CLDN16: variants seen among roughly 807,000 people sequenced by gnomAD.
The protein encoded by CLDN16 is claudin-16.
In CLDN16, 13 loss-of-function variants were observed where a neutral mutation model predicts 24.6. That is an observed-to-expected ratio of 0.53 (90% CI 0.34 to 0.84). The LOEUF (loss-of-function observed/expected upper bound fraction) is 0.84, where lower values mean the gene tolerates loss of function less well. CLDN16 is among the 40% of genes least tolerant of loss of function. The pLI is 0.01. For synonymous variants in CLDN16, 116 were observed against 106.7 expected (o/e 1.09, Z -0.54); for missense variants, 298 against 292.7 (o/e 1.02, Z -0.13).
chr3:190,297,584 T>A, the CLDN16 span, among the ~76,000 whole-genome samples: 1 of 137,756 alleles, frequency 7.3e-6, no homozygotes, highest in Non-Finnish European at 1.6e-5. Flanking sequence ...TAATATATAA[T>A]ATATATCTAT....
chr3:190,402,384 T>C lies in CLDN16; in HGVS notation c.162T>C (p.Ala54=), dbSNP rs780312463. 5.6e-6 allele frequency: 9 copies of C among 1,613,922 alleles called. No individual in the cohort carries two copies. Among genetic ancestry groups the C allele is most frequent in the Non-Finnish European group, 7.6e-6 (9 of 1,180,008 alleles). The part of the protein sequence containing the change: ...RGLWWECVTN[A]FDGIRTCDEY... ...TCTGGTGGGAATGCGTCACAAATGC[T>C]TTTGATGGGATTCGCACCTGTGATG... Residue 54 remains alanine, a synonymous_variant, in exon 2 of 5, where the codon GCT becomes GCC. Transcript: ENST00000264734.
chr3:190,408,170 C>G, intron 3 of CLDN16, 144 bp from the exon 4 acceptor site: 1 of 796,168 alleles, frequency 1.3e-6, no homozygotes, highest in South Asian at 1.4e-5. Context: ...GAAGAAGTGT[C>G]CGAAGTTCGG....
chr3:190,406,025 C>T (rs1719088376), intron 3 of CLDN16, among the ~76,000 whole-genome samples: 1 of 152,170 alleles, frequency 6.6e-6, no homozygotes, highest in Non-Finnish European at 1.5e-5. Context: ...GAGTTTGGAA[C>T]TAGAAACACT....
intron 1 of CLDN16, 147 bp from the exon 2 acceptor site, chr3:190,402,190 G>C: frequency 1.4e-6 from 1 of 705,314 alleles, no homozygotes; most frequent in Non-Finnish European, 2.6e-6. Flanking sequence ...ATTCTAATAC[G>C]CATTGTTTGT....
At chr3:190,338,159 T>G (rs79290582) in intron 1 of CLDN16, among the ~76,000 whole-genome samples, 2 of 151,980 alleles carry the variant, frequency 1.3e-5, no homozygotes, top group African/African-American at 4.8e-5. Context: ...GACTAGGAGA[T>G]GTTGTATTGC....
intron 1 of CLDN16, among the ~76,000 whole-genome samples, chr3:190,357,688 A>C (rs1217544344): frequency 6.6e-6 from 1 of 151,794 alleles, no homozygotes; most frequent in Non-Finnish European, 1.5e-5. Flanking sequence ...TTCCTCTTTC[A>C]CAGGTTGGTG....
chr3:190,296,360 T>C, the CLDN16 span, among the ~76,000 whole-genome samples: 1 of 152,004 alleles, frequency 6.6e-6, no homozygotes, highest in African/African-American at 2.4e-5. Context: ...TAAAGGGTGG[T>C]CAGAGAGGTC....
intron 2 of CLDN16, among the ~76,000 whole-genome samples, chr3:190,371,956 T>A (rs1718152297): frequency 6.6e-6 from 1 of 151,856 alleles, no homozygotes; most frequent in Non-Finnish European, 1.5e-5. Flanking sequence ...CCACCATAAG[T>A]TTTTGCGTCT....
upstream of CLDN16, among the ~76,000 whole-genome samples, chr3:190,385,855 A>T (rs1359471893): frequency 1.3e-5 from 2 of 152,148 alleles, no homozygotes; most frequent in Non-Finnish European, 2.9e-5. Flanking sequence ...AAGTATGGCC[A>T]TCTGTTTCAA....
the CLDN16 span, among the ~76,000 whole-genome samples, chr3:190,296,796 C>T: frequency 1.1e-4 from 17 of 151,852 alleles, no homozygotes; most frequent in Non-Finnish European, 1.0e-4. Context: ...GTGATCCGCC[C>T]GTCTTGGCCT....
chr3:190,313,053 T>A, the CLDN16 span: 1 of 1,613,988 alleles, frequency 6.2e-7, no homozygotes, highest in Non-Finnish European at 8.5e-7. Flanking sequence ...GAAAACATTT[T>A]AAAACATGTA....
At chr3:190,308,208 T>C in the CLDN16 span, 5 of 1,563,858 alleles carry the variant, frequency 3.2e-6, no homozygotes, top group African/African-American at 5.4e-5. Flanking sequence ...AAGGTCCTAA[T>C]GTTAATGATA....
the CLDN16 span, chr3:190,308,456 A>G: frequency 6.2e-7 from 1 of 1,613,036 alleles, no homozygotes; most frequent in Non-Finnish European, 8.5e-7. Context: ...GGAAAAACCC[A>G]TGTGCTTGTT....
Position 190,402,436 on chromosome 3 carries a change from C to A in CLDN16, c.214C>A (p.Pro72Thr). The A allele has an allele frequency of 6.2e-7, 1 of 1,610,278 alleles. No individual in the cohort carries two copies. Among genetic ancestry groups the A allele is most frequent in the South Asian group, 1.1e-5 (1 of 90,994 alleles). The change falls in exon 2 of 5, where the codon CCC becomes ACC. Residue 72 changes from proline to threonine, a missense_variant. By Grantham distance (38) the Pro-to-Thr change is conservative. Transcript: ENST00000264734. ...GTACGATTCCATACTTGCGGAGCAT[C>A]CCTGTACGTATGCCTTAGAGCTCAC... Reference protein sequence around the residue: ...DEYDSILAEHPLKLVVTRALM... With the variant: ...DEYDSILAEHTLKLVVTRALM...
intron 1 of CLDN16, among the ~76,000 whole-genome samples, chr3:190,341,537 C>T (rs958665376): frequency 6.6e-6 from 1 of 151,318 alleles, no homozygotes. Context: ...GGGCCTGGCC[C>T]ACTAAACAAT....
intron 3 of CLDN16, among the ~76,000 whole-genome samples, chr3:190,380,813 A>C (rs968891634): frequency 6.6e-6 from 1 of 152,018 alleles, no homozygotes; most frequent in Non-Finnish European, 1.5e-5. Flanking sequence ...AAATTAGTAA[A>C]ATTTTTAGTT....
At chr3:190,386,235 TG>T (rs1406621965), upstream of CLDN16, among the ~76,000 whole-genome samples, 1 of 152,198 alleles carries the variant, frequency 6.6e-6, no homozygotes, top group Non-Finnish European at 1.5e-5. Flanking sequence ...TTGTATTCCG[TG>T]GGCAATGACA....
chr3:190,324,737 C>G (rs190297839), intron 1 of CLDN16, among the ~76,000 whole-genome samples: 2 of 152,318 alleles, frequency 1.3e-5, no homozygotes, highest in Admixed American at 1.3e-4. Flanking sequence ...GTTTGCTTCA[C>G]TGTGATTCAG....
At chr3:190,364,727 C>T (rs531910750) in intron 1 of CLDN16, among the ~76,000 whole-genome samples, 172 of 151,954 alleles carry the variant, frequency 1.1e-3, no homozygotes, top group Non-Finnish European at 2.1e-3. Flanking sequence ...CGTGCTGGGT[C>T]CACTCAAAGC....
Sources: allele counts gnomAD v4.1 joint callset (sites outside exome capture counted in the v4.1 genomes callset), GRCh38; gene constraint gnomAD v4.1.1; transcripts MANE v1.5; gene names NCBI Gene and HGNC (gene_info 2026-07-23, HGNC 2026-07-21).